The following KIF13A variants were observed in gnomAD, a reference collection of about 807,000 sequenced individuals.
KIF13A encodes kinesin-like protein KIF13A.
In KIF13A, 79 loss-of-function variants were observed where a neutral mutation model predicts 212.2. The ratio of observed to expected loss-of-function variants is 0.37; its 90% CI spans 0.31 to 0.45. The LOEUF is 0.45. Ranked by LOEUF, KIF13A falls within the 20% of genes least tolerant of loss-of-function variation. The pLI is 1.00. For synonymous variants in KIF13A, 789 were observed against 808.6 expected, an observed-to-expected ratio of 0.98 and a Z score of 0.41; for missense variants, 1,901 against 2,209.0, an observed-to-expected ratio of 0.86 and a Z score of 2.79.
rs1265089488 is a variant in KIF13A at position 17,764,877 on chromosome 6, G to C, written c.4651C>G (p.Pro1551Ala). 2 of 1,613,650 alleles carry C rather than the reference G, an allele frequency of 1.2e-6. No individual in the cohort carries two copies. Residue 1551 changes from proline to alanine, a missense_variant, in exon 39 of 39, where the codon CCT becomes GCT. By Grantham distance (27) the Pro-to-Ala change is conservative. This residue lies in a region of KIF13A where 687 missense variants were observed against 759.1 expected (regional missense o/e 0.90). Transcript: ENST00000259711. This position sits in a 1 kb window ranked among gnomAD's most constrained non-coding sequence, Gnocchi z 5.1. Reference protein sequence around the residue: ...RKLISSQPYVPVEFADFSVYN... With the variant: ...RKLISSQPYVAVEFADFSVYN... ...ACACTGAAGTCAGCAAACTCCACAG[G>C]TACATAAGGCTGTGAACTTATTAGC...
chr6:17,956,453 C>A (rs1397067241), intron 2 of KIF13A, among the ~76,000 whole-genome samples: 1 of 152,190 alleles, frequency 6.6e-6, no homozygotes, highest in Admixed American at 6.5e-5. Flanking sequence ...GTGCCTAGCA[C>A]TGCAAAAGCA....
intron 4 of KIF13A, among the ~76,000 whole-genome samples, chr6:17,858,081 ATGTGTGTGTGTGTG>A (rs58092993): frequency 6.9e-6 from 1 of 144,584 alleles, no homozygotes; most frequent in African/African-American, 2.7e-5. Flanking sequence ...TCAAATAGTT[ATGTGTGTGTGTGTG>A]TGTGTGTGTG....
At chr6:17,983,569 G>A (rs1459106399) in intron 2 of KIF13A, among the ~76,000 whole-genome samples, 10 of 148,008 alleles carry the variant, frequency 6.8e-5, no homozygotes, top group East Asian at 2.1e-4. Flanking sequence ...CTCAGCTCAC[G>A]GCAACCTCCA....
In KIF13A at chr6:17,777,360, A is replaced by C. The variant is rs1760085064; in HGVS notation, c.4093-6T>G. ...GCTTCTTTGACTGTGACGGCCTGTA[A>C]ACATAATAATTTGAAAATAACACTT... is the stretch of plus-strand genomic sequence containing the variant. On this transcript the variant is annotated splice_polypyrimidine_tract_variant and splice_region_variant and intron_variant, in intron 33 of 38. Coordinates refer to ENST00000259711, the MANE Select transcript of KIF13A (RefSeq NM_022113.6). The surrounding 1 kb of genome is among the most constrained non-coding windows in gnomAD (Gnocchi z 4.4). 1.9e-6 allele frequency: 3 copies of C among 1,607,192 alleles called. 1 individual carries two copies. The highest frequency in any genetic ancestry group is 2.5e-6 in the Non-Finnish European group (3 of 1,176,798).
In KIF13A at chr6:17,897,890, A is replaced by G. The variant is rs531490745; in HGVS notation, c.159+278T>C. On this transcript the variant is annotated intron_variant, in intron 3 of 38. Transcript: ENST00000259711. This position sits in a 1 kb window ranked among gnomAD's most constrained non-coding sequence, Gnocchi z 4.8. ...ATTTCATCTCTCTGAGTCTCATTTC[A>G]TCATCAAGAAAATAGAAACAATAAC... Among the ~76,000 whole-genome samples, 5 of 152,278 alleles carry G rather than the reference A, an allele frequency of 3.3e-5. No homozygotes were observed. In the South Asian group the frequency reaches 1.0e-3, roughly 32 times the overall value.
rs911544861 is a variant in KIF13A at position 17,918,577 on chromosome 6, G to C, written c.147-20397C>G. Reference sequence around the variant, plus strand: ...AATTCCCACTTCTGGGTCTCAGCAGGTATGTGTGTCGAGTTATCTAAATGG... The same window carrying C: ...AATTCCCACTTCTGGGTCTCAGCAGCTATGTGTGTCGAGTTATCTAAATGG... On this transcript the variant is annotated intron_variant, in intron 2 of 38. Transcript: ENST00000259711. The surrounding 1 kb of genome is among the most constrained non-coding windows in gnomAD (Gnocchi z 4.8). Among the ~76,000 whole-genome samples, 1 of 152,172 alleles carries C rather than the reference G, an allele frequency of 6.6e-6. No homozygotes were observed. Among genetic ancestry groups the C allele is most frequent in the Non-Finnish European group, 1.5e-5 (1 of 68,030 alleles).
Position 17,780,759 on chromosome 6 carries a change from GT to G in KIF13A, c.3816del (p.Lys1272AsnfsTer17). ...TTGTTGTAAATATTGGCTGCAATTC[GT>G]TTTCGTAATACTAACTCCATAGCAG... ...HPAAMELVLR[K>X]RIAANIYNKQ... On this transcript the variant is annotated frameshift_variant, in exon 31 of 39. Coordinates refer to ENST00000259711, the MANE Select transcript of KIF13A (RefSeq NM_022113.6). LOFTEE classifies it high-confidence loss of function. 1 of 1,614,000 alleles carries G rather than the reference GT, an allele frequency of 6.2e-7. No homozygotes were observed. Among genetic ancestry groups the G allele is most frequent in the Non-Finnish European group, 8.5e-7 (1 of 1,179,880 alleles).
chr6:17,914,193 T>G lies in KIF13A; in HGVS notation c.147-16013A>C, dbSNP rs1483530059. On this transcript the variant is annotated intron_variant, in intron 2 of 38. Transcript: ENST00000259711. This position sits in a 1 kb window ranked among gnomAD's most constrained non-coding sequence, Gnocchi z 5.9. ...AAGGCAAATCTCAAGTACCCATTAC[T>G]AAATGCCAGAATAAGTGAAACATTT... Among the ~76,000 whole-genome samples the G allele has an allele frequency of 6.6e-6, 1 of 152,234 alleles. No individual in the cohort carries two copies. Among genetic ancestry groups the G allele is most frequent in the Non-Finnish European group, 1.5e-5 (1 of 68,038 alleles).
At chr6:17,824,562 A>G (rs1283560995) in intron 16 of KIF13A, among the ~76,000 whole-genome samples, 3 of 151,982 alleles carry the variant, frequency 2.0e-5, no homozygotes, top group Non-Finnish European at 4.4e-5. Flanking sequence ...GATTGAGACC[A>G]GCCTGCCTTA....
At position 17,838,190 on chromosome 6, in the gene KIF13A, G is replaced by C. The variant is rs759877612; in HGVS notation, c.831-607C>G. On this transcript the variant is annotated intron_variant, in intron 9 of 38. Coordinates refer to ENST00000259711, the MANE Select transcript of KIF13A (RefSeq NM_022113.6). The surrounding 1 kb of genome is among the most constrained non-coding windows in gnomAD (Gnocchi z 4.2). ...TACAAAAATTGCCAGGCGTGGCGGCGTGTGCCTATAGTCCCAGCTACTCGG... is the reference window on the plus strand; with the variant it reads ...TACAAAAATTGCCAGGCGTGGCGGCCTGTGCCTATAGTCCCAGCTACTCGG... Among the ~76,000 whole-genome samples the C allele has an allele frequency of 6.6e-6, 1 of 150,518 alleles. No individual in the cohort carries two copies. Among genetic ancestry groups the C allele is most frequent in the Non-Finnish European group, 1.5e-5 (1 of 67,632 alleles).
At chr6:17,975,270 T>G (rs1780240063) in intron 2 of KIF13A, among the ~76,000 whole-genome samples, 2 of 152,174 alleles carry the variant, frequency 1.3e-5, no homozygotes, top group Non-Finnish European at 2.9e-5. Context: ...GGAGAATTGT[T>G]TGAATCTGGG....
At chr6:17,887,819 G>A (rs990235897) in intron 3 of KIF13A, among the ~76,000 whole-genome samples, 4 of 151,092 alleles carry the variant, frequency 2.6e-5, no homozygotes, top group South Asian at 2.1e-4. Context: ...TCAGCCTCCC[G>A]AGTAGCTGGG....
intron 26 of KIF13A, among the ~76,000 whole-genome samples, 188 bp from the exon 27 acceptor site, chr6:17,788,063 C>T (rs1761208947): frequency 6.6e-6 from 1 of 152,108 alleles, no homozygotes; most frequent in African/African-American, 2.4e-5. Flanking sequence ...ATCAAGGATG[C>T]TGTTACCCAG....
rs956259447 is a variant in KIF13A at position 17,777,513 on chromosome 6, T to C, written c.4093-159A>G. Among the ~76,000 whole-genome samples, 2 of 151,974 alleles carry C rather than the reference T, an allele frequency of 1.3e-5. No individual in the cohort carries two copies. The highest frequency in any genetic ancestry group is 4.8e-5 in the African/African-American group (2 of 41,358). On this transcript the variant is annotated intron_variant, in intron 33 of 38. Transcript: ENST00000259711. This position sits in a 1 kb window ranked among gnomAD's most constrained non-coding sequence, Gnocchi z 4.4. ...ATTCTGCCTCAGTCTCCTGAGTAGC[T>C]GGGACTACAGGTGCACGCCACCACA...
chr6:17,840,333 AG>A (rs1372176494), intron 9 of KIF13A, among the ~76,000 whole-genome samples: 1 of 152,238 alleles, frequency 6.6e-6, no homozygotes, highest in Non-Finnish European at 1.5e-5. Flanking sequence ...AGAGGCAAGT[AG>A]GAGTTCAATA....
At chr6:17,804,538 G>A in intron 19 of KIF13A, 28 bp from the exon 20 acceptor site, 12 of 1,528,148 alleles carry the variant, frequency 7.9e-6, no homozygotes, top group Non-Finnish European at 1.1e-5. Flanking sequence ...CCAGTGAGTG[G>A]ACGAATAAGA....
chr6:17,850,928 T>C lies in KIF13A; in HGVS notation c.583-471A>G, dbSNP rs1281890791. Among the ~76,000 whole-genome samples, 1 of 152,214 alleles carries C rather than the reference T, an allele frequency of 6.6e-6. No homozygotes were observed. On this transcript the variant is annotated intron_variant, in intron 7 of 38. Transcript: ENST00000259711. The surrounding 1 kb of genome is among the most constrained non-coding windows in gnomAD (Gnocchi z 6.2). ...AATGCCTAGAGCCTATGGGATCTTA[T>C]GAAATATTTGCTAAATGAACTTTAT...
chr6:17,783,919 A>G lies in KIF13A; in HGVS notation c.3489-218T>C, dbSNP rs1287365229. ...CTTCCAGTTATATGAGTTACATGTA[A>G]TTAATTGAAACAAAGATGATTTTAA... On this transcript the variant is annotated intron_variant, in intron 28 of 38. Transcript: ENST00000259711. The surrounding 1 kb of genome is among the most constrained non-coding windows in gnomAD (Gnocchi z 4.3). Among the ~76,000 whole-genome samples the G allele has an allele frequency of 2.0e-5, 3 of 152,238 alleles. No individual in the cohort carries two copies. Among genetic ancestry groups the G allele is most frequent in the African/African-American group, 7.2e-5 (3 of 41,464 alleles).
chr6:17,775,598 C>T (rs969374121), intron 34 of KIF13A, among the ~76,000 whole-genome samples: 8 of 152,170 alleles, frequency 5.3e-5, no homozygotes, highest in Admixed American at 4.6e-4. Flanking sequence ...CATCAACGAG[C>T]ATAGTAATAG....
Sources: allele counts gnomAD v4.1 joint callset (sites outside exome capture counted in the v4.1 genomes callset), GRCh38; gene constraint gnomAD v4.1.1; regional missense constraint gnomAD v4.1.1; non-coding constraint Gnocchi (gnomAD v3.1); transcripts MANE v1.5; gene names NCBI Gene and HGNC (gene_info 2026-07-23, HGNC 2026-07-21).